The following PCDHGB2 variants were observed in gnomAD, a reference collection of about 807,000 sequenced individuals.
PCDHGB2 encodes the protein protocadherin gamma subfamily B, 2.
In PCDHGB2, 55 loss-of-function variants were observed where a neutral mutation model predicts 59.3. That is an observed-to-expected ratio of 0.93 (90% CI 0.75 to 1.16). The LOEUF (loss-of-function observed/expected upper bound fraction) is 1.16, where lower values mean the gene tolerates loss of function less well. Among genes scored for constraint, PCDHGB2 ranks in the 50% most tolerant of loss-of-function variants. The probability of loss-of-function intolerance (pLI) is 0.00; values close to 1 mark genes in which losing one functional copy is unlikely to be tolerated. For synonymous variants in PCDHGB2, 516 were observed against 512.0 expected, an observed-to-expected ratio of 1.01 and a Z score of -0.11; for missense variants, 1,228 against 1,198.5, an observed-to-expected ratio of 1.02 and a Z score of -0.36.
chr5:141,376,685 T>G lies in PCDHGB2; in HGVS notation c.2421+14129T>G, dbSNP rs866718563. On this transcript the variant is annotated intron_variant, in intron 1 of 3. Coordinates refer to ENST00000522605, the MANE Select transcript of PCDHGB2 (RefSeq NM_018923.3). The stretch of plus-strand genomic sequence containing the variant: ...TTCAGGTGAGGGTATCGTTTTTTTT[T>G]TTTTTTTTTTTTGAGACGGAGTCTC... The G allele has an allele frequency of 7.7e-4, 627 of 813,788 alleles. 5 individuals carry two copies. In the African/African-American group the frequency reaches 9.6e-3, roughly 12 times the overall value. 50.4% of individuals were successfully genotyped at this position (813,788 alleles called of 1,614,324 possible).
intron 1 of PCDHGB2, chr5:141,382,846 G>T: frequency 1.4e-6 from 2 of 1,475,644 alleles, no homozygotes; most frequent in Non-Finnish European, 9.1e-7. Context: ...GGATACACCC[G>T]CATTCTGAAG....
chr5:141,399,975 G>A (rs2093929990), intron 1 of PCDHGB2: 2 of 1,612,126 alleles, frequency 1.2e-6, no homozygotes, highest in East Asian at 2.2e-5. Flanking sequence ...TCAGCCTGGG[G>A]CTGCGCACAG....
rs759358436 is a variant in PCDHGB2, at chr5:141,360,620, T to A, written c.485T>A (p.Val162Asp). ...CTTGACCCAGCCCTGGATTCAGATG[T>A]TGGTCCTAACTCACTACAAAGATAC... Reference protein sequence around the residue: ...FPLDPALDSDVGPNSLQRYHL... With the variant: ...FPLDPALDSDDGPNSLQRYHL... Residue 162 changes from valine to aspartate, a missense_variant, in exon 1 of 4, where the codon GTT becomes GAT. Coordinates refer to ENST00000522605, the MANE Select transcript of PCDHGB2 (RefSeq NM_018923.3). The A allele has an allele frequency of 1.2e-6, 2 of 1,613,908 alleles. No homozygotes were observed. Among genetic ancestry groups the A allele is most frequent in the Non-Finnish European group, 1.7e-6 (2 of 1,179,902 alleles).
At chr5:141,408,714 A>G (rs771519650) in intron 1 of PCDHGB2, 8 of 1,612,346 alleles carry the variant, frequency 5.0e-6, no homozygotes, top group Non-Finnish European at 6.8e-6. Context: ...AAAGATTATA[A>G]GATAAACTCT....
chr5:141,492,575 C>T (rs1213639439), intron 1 of PCDHGB2, among the ~76,000 whole-genome samples: 1 of 152,218 alleles, frequency 6.6e-6, no homozygotes, highest in South Asian at 2.1e-4. Flanking sequence ...GAGCGAGGCG[C>T]GGGGCCAGGA....
chr5:141,470,986 G>T (rs1215610104), intron 1 of PCDHGB2, among the ~76,000 whole-genome samples: 1 of 151,540 alleles, frequency 6.6e-6, no homozygotes, highest in Non-Finnish European at 1.5e-5. Flanking sequence ...CAAAGTGCTG[G>T]GACTACAGGC....
rs748176272 is a variant in PCDHGB2, at chr5:141,371,620, C to A, written c.2421+9064C>A. On this transcript the variant is annotated intron_variant, in intron 1 of 3. Coordinates refer to ENST00000522605, the MANE Select transcript of PCDHGB2 (RefSeq NM_018923.3). ...ACATACAGGTTGGTGACAGATGGAG[C>A]CCTGGACCGGGAGCAGATCCCAGAA... The A allele has an allele frequency of 2.5e-6, 4 of 1,613,874 alleles. No homozygotes were observed. The African/African-American group carries it at 4.0e-5, about 16-fold the overall frequency.
chr5:141,426,646 T>C (rs764903298), intron 1 of PCDHGB2: 1 of 416,448 alleles, frequency 2.4e-6, no homozygotes, highest in South Asian at 1.7e-5. Flanking sequence ...ATAAATGTGA[T>C]GATAGAAGAT....
rs183831513 is a variant in PCDHGB2 at position 141,497,605 on chromosome 5, T to A, written c.2480+2740T>A. ...CCCAAGCTGGAGTGCAGTGGTGCGA[T>A]CTTGGCTCACTGCAACCTCTGCCTG... On this transcript the variant is annotated intron_variant, in intron 2 of 3. Coordinates refer to ENST00000522605, the MANE Select transcript of PCDHGB2 (RefSeq NM_018923.3). Among the ~76,000 whole-genome samples, 19 of 151,488 alleles carry A rather than the reference T, an allele frequency of 1.3e-4. No individual in the cohort carries two copies. In the East Asian group the frequency reaches 3.7e-3, roughly 29 times the overall value.
chr5:141,382,893 G>A (rs1778536520), intron 1 of PCDHGB2: 1 of 1,534,786 alleles, frequency 6.5e-7, no homozygotes, highest in African/African-American at 1.4e-5. Flanking sequence ...AGAGAAGCAG[G>A]ACGACTATGG....
At chr5:141,402,882 G>A in intron 1 of PCDHGB2, 1 of 1,479,680 alleles carries the variant, frequency 6.8e-7, no homozygotes, top group South Asian at 1.4e-5. Context: ...TACTTTGCAG[G>A]GTGGAAGAAA....
Position 141,361,680 on chromosome 5 carries a change from C to G in PCDHGB2, c.1545C>G (p.Phe515Leu), listed in dbSNP as rs369369005. The change falls in exon 1 of 4, where the codon TTC becomes TTG. Residue 515 changes from phenylalanine to leucine, a missense_variant. By Grantham distance (22) the Phe-to-Leu change is conservative. Transcript: ENST00000522605. ...VSVSAQSGVVFAQRAFDHEQL... is the reference protein window; with the variant it reads ...VSVSAQSGVVLAQRAFDHEQL... ...TGAGCGCGCAGAGCGGGGTGGTGTT[C>G]GCGCAGCGCGCCTTCGATCATGAGC... The G allele has an allele frequency of 6.8e-6, 11 of 1,613,576 alleles. No individual in the cohort carries two copies. The South Asian group carries it at 1.2e-4, about 18-fold the overall frequency.
chr5:141,475,098 C>G (rs1252108172), intron 1 of PCDHGB2, among the ~76,000 whole-genome samples: 1 of 152,108 alleles, frequency 6.6e-6, no homozygotes, highest in East Asian at 1.9e-4. Flanking sequence ...TTATAAAGAT[C>G]CTAGGTGGTA....
chr5:141,478,106 G>A (rs1474192496), intron 1 of PCDHGB2: 1 of 1,613,928 alleles, frequency 6.2e-7, no homozygotes, highest in Non-Finnish European at 8.5e-7. Context: ...TACCCTCACT[G>A]TGTCAGTAAC....
intron 1 of PCDHGB2, chr5:141,427,790 C>G: frequency 6.7e-7 from 1 of 1,482,224 alleles, no homozygotes; most frequent in South Asian, 1.1e-5. Flanking sequence ...TGTCGTCCTA[C>G]GTGTCCGTGA....
intron 1 of PCDHGB2, among the ~76,000 whole-genome samples, chr5:141,437,491 T>C (rs1428543921): frequency 6.6e-6 from 1 of 152,184 alleles, no homozygotes; most frequent in Non-Finnish European, 1.5e-5. Flanking sequence ...ATCTCGTAGA[T>C]CACTTTTCAA....
chr5:141,415,961 C>T, intron 1 of PCDHGB2: 1 of 438,836 alleles, frequency 2.3e-6, no homozygotes, highest in Non-Finnish European at 3.6e-6. Context: ...TATTGAAACT[C>T]CAGCCCCTTA....
At position 141,365,998 on chromosome 5, in the gene PCDHGB2, C is replaced by A. The variant is rs374639173; in HGVS notation, c.2421+3442C>A. 3.1e-6 allele frequency: 5 copies of A among 1,614,116 alleles called. No homozygotes were observed. Among genetic ancestry groups the A allele is most frequent in the Admixed American group, 3.3e-5 (2 of 60,012 alleles). On this transcript the variant is annotated intron_variant, in intron 1 of 3. Transcript: ENST00000522605. ...TGAGCCTGTTTGTGCTGGACCAGAA[C>A]GACAATACGCCTGAGATCCTGTACC...
intron 1 of PCDHGB2, chr5:141,377,597 C>G (rs935154854): frequency 2.6e-4 from 37 of 142,848 alleles, no homozygotes; most frequent in African/African-American, 9.9e-4. Context: ...CTTTTTCTCT[C>G]TCTCTCTCAA....
Sources: allele counts gnomAD v4.1 joint callset (sites outside exome capture counted in the v4.1 genomes callset), GRCh38; gene constraint gnomAD v4.1.1; transcripts MANE v1.5; gene names NCBI Gene and HGNC (gene_info 2026-07-23, HGNC 2026-07-21).